KHDRBS2: variants seen among roughly 807,000 people sequenced by gnomAD.
The protein encoded by KHDRBS2 is KH domain-containing, RNA-binding, signal transduction-associated protein 2.
A neutral mutation model predicts 44.3 loss-of-function variants in KHDRBS2; 26 were observed. The observed-to-expected ratio is 0.59, with a 90% confidence interval of 0.43 to 0.81. KHDRBS2 has a LOEUF of 0.81. KHDRBS2 is among the 40% of genes least tolerant of loss of function. The probability of loss-of-function intolerance (pLI) is 0.00; values close to 1 mark genes in which losing one functional copy is unlikely to be tolerated. For synonymous variants in KHDRBS2, 194 were observed against 151.1 expected (o/e 1.28, Z -2.08); for missense variants, 476 against 433.1 (o/e 1.10, Z -0.88).
intron 2 of KHDRBS2, among the ~76,000 whole-genome samples, chr6:62,144,663 T>A (rs889404164): frequency 1.3e-5 from 2 of 152,010 alleles, no homozygotes; most frequent in African/African-American, 4.8e-5. Flanking sequence ...TTTAGTTTTT[T>A]AAGAAAGTCT....
intron 6 of KHDRBS2, among the ~76,000 whole-genome samples, chr6:61,849,003 C>A (rs1486333948): frequency 3.3e-5 from 5 of 151,998 alleles, no homozygotes; most frequent in Non-Finnish European, 7.4e-5. Flanking sequence ...ACATATCACA[C>A]AGGGCAACAG....
At chr6:61,775,988 A>T (rs894128086) in intron 6 of KHDRBS2, among the ~76,000 whole-genome samples, 2 of 152,086 alleles carry the variant, frequency 1.3e-5, no homozygotes, top group East Asian at 1.9e-4. Flanking sequence ...ATAATGCTGC[A>T]TATCTACAAC....
At chr6:62,262,616 T>C (rs16882808) in intron 1 of KHDRBS2, among the ~76,000 whole-genome samples, 4,520 of 151,842 alleles carry the variant, frequency 0.03, 172 homozygotes, top group African/African-American at 0.098. Context: ...AAATCTCAGC[T>C]GGAATCTAAC....
At chr6:61,677,058 C>CT, downstream of KHDRBS2, among the ~76,000 whole-genome samples, 1 of 151,854 alleles carries the variant, frequency 6.6e-6, no homozygotes, top group East Asian at 1.9e-4. Flanking sequence ...ATAATGTTCT[C>CT]TTTTCTTGTT....
chr6:62,087,591 C>T (rs1176488087), intron 2 of KHDRBS2, among the ~76,000 whole-genome samples: 1 of 151,922 alleles, frequency 6.6e-6, no homozygotes, highest in Non-Finnish European at 1.5e-5. Context: ...GAGAAGAAAA[C>T]AAACCCGACC....
At chr6:61,934,154 T>A (rs1302476736) in intron 4 of KHDRBS2, among the ~76,000 whole-genome samples, 2 of 152,164 alleles carry the variant, frequency 1.3e-5, no homozygotes, top group East Asian at 3.9e-4. Flanking sequence ...TTGTCGGGTT[T>A]TTTTTTGCAG....
intron 1 of KHDRBS2, among the ~76,000 whole-genome samples, chr6:62,219,781 T>A (rs975023730): frequency 6.7e-6 from 1 of 148,552 alleles, no homozygotes; most frequent in East Asian, 1.9e-4. Context: ...GTTTTATATA[T>A]ATATTTTTAT....
At chr6:61,936,026 T>A (rs919782579) in intron 4 of KHDRBS2, among the ~76,000 whole-genome samples, 77 of 152,132 alleles carry the variant, frequency 5.1e-4, no homozygotes, top group African/African-American at 1.7e-3. Context: ...TAAATCTATC[T>A]CTATTCTATC....
intron 7 of KHDRBS2, among the ~76,000 whole-genome samples, chr6:61,705,735 T>C (rs866843007): frequency 6.6e-6 from 1 of 151,760 alleles, no homozygotes; most frequent in African/African-American, 2.4e-5. Context: ...CTCAGAAAAA[T>C]CTCAGCTACC....
intron 1 of KHDRBS2, among the ~76,000 whole-genome samples, chr6:62,210,372 C>T (rs1828829499): frequency 1.4e-5 from 2 of 146,668 alleles, no homozygotes; most frequent in East Asian, 2.0e-4. Flanking sequence ...CTCTTGTCCC[C>T]TAGGCTGGAG....
intron 6 of KHDRBS2, among the ~76,000 whole-genome samples, chr6:61,826,559 G>A (rs1390960757): frequency 6.6e-6 from 1 of 151,960 alleles, no homozygotes; most frequent in African/African-American, 2.4e-5. Flanking sequence ...TAGTTGAAAT[G>A]GACCCTTTGT....
intron 6 of KHDRBS2, among the ~76,000 whole-genome samples, chr6:61,834,540 AG>A (rs1792347014): frequency 6.6e-6 from 1 of 152,060 alleles, no homozygotes; most frequent in Non-Finnish European, 1.5e-5. Flanking sequence ...TTTTGGTTTA[AG>A]GGCATCTATT....
At chr6:61,589,661 G>A in the KHDRBS2 span, among the ~76,000 whole-genome samples, 1 of 152,156 alleles carries the variant, frequency 6.6e-6, no homozygotes, top group Non-Finnish European at 1.5e-5. Flanking sequence ...AGTTAAGGGT[G>A]CAAGGACTCC....
intron 2 of KHDRBS2, among the ~76,000 whole-genome samples, chr6:62,160,714 A>T (rs760201450): frequency 3.9e-5 from 6 of 152,140 alleles, no homozygotes; most frequent in Non-Finnish European, 8.8e-5. Flanking sequence ...CAGTTGAGAG[A>T]AAACGATGAC....
At chr6:62,107,025 A>C in intron 2 of KHDRBS2, among the ~76,000 whole-genome samples, 1 of 152,112 alleles carries the variant, frequency 6.6e-6, no homozygotes, top group Non-Finnish European at 1.5e-5. Flanking sequence ...CCCTTTGAAA[A>C]CTGGCACAAG....
intron 1 of KHDRBS2, among the ~76,000 whole-genome samples, chr6:62,260,575 T>C (rs1838170860): frequency 6.6e-6 from 1 of 152,018 alleles, no homozygotes. Flanking sequence ...ATCTCTATAA[T>C]GAACTGGTAT....
At chr6:61,881,269 A>C (rs1175093918) in intron 6 of KHDRBS2, among the ~76,000 whole-genome samples, 1 of 151,954 alleles carries the variant, frequency 6.6e-6, no homozygotes, top group Non-Finnish European at 1.5e-5. Context: ...AGTTGTAGGG[A>C]AAGTCAGCAA....
At chr6:62,229,665 T>C (rs1039877926) in intron 1 of KHDRBS2, among the ~76,000 whole-genome samples, 1 of 152,062 alleles carries the variant, frequency 6.6e-6, no homozygotes, top group African/African-American at 2.4e-5. Context: ...AATTCGTGGG[T>C]TTCACAATTC....
intron 3 of KHDRBS2, among the ~76,000 whole-genome samples, chr6:62,041,876 T>C (rs1361056977): frequency 6.6e-6 from 1 of 152,028 alleles, no homozygotes; most frequent in African/African-American, 2.4e-5. Context: ...CCAGATAACT[T>C]TATGGCTTTT....
Sources: gnomAD v4.1 joint callset for allele counts (sites outside exome capture counted in the v4.1 genomes callset) on GRCh38, gnomAD v4.1.1 for gene constraint, MANE v1.5 for transcripts, NCBI Gene and HGNC (gene_info 2026-07-23, HGNC 2026-07-21) for gene names.